FAM117B: variants seen among roughly 807,000 people sequenced by gnomAD.
FAM117B encodes the protein family with sequence similarity 117 member B.
A neutral mutation model predicts 52.8 loss-of-function variants in FAM117B; 22 were observed. The ratio of observed to expected loss-of-function variants is 0.42; its 90% CI spans 0.30 to 0.59. The LOEUF is 0.59. Among genes scored for constraint, FAM117B ranks in the 20% least tolerant of loss-of-function variants. FAM117B has a pLI of 0.22. For missense variants in FAM117B, 678 were observed against 802.6 expected (o/e 0.84, Z 1.88); for synonymous variants, 309 against 324.1 (o/e 0.95, Z 0.50).
intron 1 of FAM117B, among the ~76,000 whole-genome samples, chr2:202,686,373 G>A (rs1293545092): frequency 1.3e-5 from 2 of 152,202 alleles, no homozygotes; most frequent in East Asian, 3.8e-4. Flanking sequence ...TATAAAGGGA[G>A]ACTTACACTT....
chr2:202,732,597 T>A (rs1161491403), intron 4 of FAM117B, among the ~76,000 whole-genome samples: 2 of 152,062 alleles, frequency 1.3e-5, no homozygotes, highest in Non-Finnish European at 2.9e-5. Flanking sequence ...GTTGGGTGGA[T>A]CACTTGAGGT....
chr2:202,723,916 T>A (rs1195326084), intron 2 of FAM117B, among the ~76,000 whole-genome samples: 1 of 152,186 alleles, frequency 6.6e-6, no homozygotes, highest in Non-Finnish European at 1.5e-5. Flanking sequence ...TGCTCAATCT[T>A]GTTGAAGCTT....
intron 1 of FAM117B, among the ~76,000 whole-genome samples, chr2:202,686,700 G>T (rs540395833): frequency 6.6e-6 from 1 of 151,902 alleles, no homozygotes; most frequent in Admixed American, 6.6e-5. Flanking sequence ...CGAGCTGCTC[G>T]TGAAGCTGAG....
rs756202725 is a variant in FAM117B, at chr2:202,635,730, G to C, written c.543G>C (p.Pro181=). 1 of 1,454,966 alleles carries C rather than the reference G, an allele frequency of 6.9e-7. No individual in the cohort carries two copies. The highest frequency in any genetic ancestry group is 1.3e-5 in the South Asian group (1 of 76,614). 90.1% of individuals were successfully genotyped at this position (1,454,966 alleles called of 1,614,324 possible). ...GCGTCCGGCATCGGAGGAGGTCTCCGGAGCAGAGCCGAAGCTCGCCGGAGA... is the reference window on the plus strand; with the variant it reads ...GCGTCCGGCATCGGAGGAGGTCTCCCGAGCAGAGCCGAAGCTCGCCGGAGA... ...PARVRHRRRS[P]EQSRSSPEKR... Residue 181 remains proline (P), a synonymous_variant, in exon 1 of 8, where the codon CCG becomes CCC. Coordinates refer to ENST00000392238, the MANE Select transcript of FAM117B (RefSeq NM_173511.4).
At chr2:202,680,493 T>G (rs2105769950) in intron 1 of FAM117B, among the ~76,000 whole-genome samples, 1 of 152,104 alleles carries the variant, frequency 6.6e-6, no homozygotes, top group East Asian at 1.9e-4. Context: ...CAGCTCCAAG[T>G]TCAATTAATC....
At chr2:202,665,897 G>A (rs1690198293) in intron 1 of FAM117B, among the ~76,000 whole-genome samples, 1 of 152,180 alleles carries the variant, frequency 6.6e-6, no homozygotes, top group South Asian at 2.1e-4. Context: ...CATGGAAACT[G>A]GCAGGACAGG....
chr2:202,744,450 C>T (rs1169828900), intron 4 of FAM117B, among the ~76,000 whole-genome samples: 1 of 152,168 alleles, frequency 6.6e-6, no homozygotes, highest in Admixed American at 6.5e-5. Flanking sequence ...AAATCTGCCT[C>T]CATGTCCCAA....
chr2:202,725,138 TAACAAA>T (rs1691220533), intron 3 of FAM117B, 129 bp downstream of exon 3: 1 of 574,672 alleles, frequency 1.7e-6, no homozygotes, highest in Non-Finnish European at 3.0e-6. Context: ...GCTTCTGAAA[TAACAAA>T]AACAATTATT....
intron 4 of FAM117B, among the ~76,000 whole-genome samples, chr2:202,730,601 C>T (rs1009765447): frequency 2.0e-5 from 3 of 151,922 alleles, no homozygotes; most frequent in South Asian, 2.1e-4. Context: ...ATCTGGGAGG[C>T]GGAGGTTGCA....
chr2:202,714,336 T>C (rs1691003835), intron 2 of FAM117B, among the ~76,000 whole-genome samples: 1 of 152,122 alleles, frequency 6.6e-6, no homozygotes, highest in Admixed American at 6.5e-5. Flanking sequence ...ATTTATAGTA[T>C]AGATTGAGTC....
In FAM117B at chr2:202,651,060, CTT is replaced by C. The variant is rs138809054; in HGVS notation, c.601+15291_601+15292del. On this transcript the variant is annotated intron_variant, in intron 1 of 7. Coordinates refer to ENST00000392238, the MANE Select transcript of FAM117B (RefSeq NM_173511.4). ...GGATGTTCCCTTCTAATTTGCCATT[CTT>C]TTTTTTTTTTTTTTTTTTAAGACGG... Among the ~76,000 whole-genome samples the C allele has an allele frequency of 3.7e-3, 457 of 124,148 alleles. 2 individuals are homozygous for C. The highest frequency in any genetic ancestry group is 7.9e-3 in the African/African-American group (254 of 32,212). The allele number at this position is 124,148 out of a possible 152,430, so 81.4% of individuals were successfully genotyped here. A position where few individuals can be genotyped will look rare whatever the true frequency, so the allele number is the denominator to read the frequency against.
At chr2:202,681,088 A>G (rs765934415) in intron 1 of FAM117B, among the ~76,000 whole-genome samples, 6 of 152,208 alleles carry the variant, frequency 3.9e-5, no homozygotes, top group Admixed American at 1.3e-4. Flanking sequence ...TAAGAGTCTT[A>G]TATGTAAAAT....
chr2:202,751,593 C>G (rs1391704773), intron 4 of FAM117B, among the ~76,000 whole-genome samples: 1 of 151,860 alleles, frequency 6.6e-6, no homozygotes, highest in African/African-American at 2.4e-5. Context: ...CGTTGCGAAA[C>G]CTCATCATCT....
chr2:202,661,158 A>G (rs1690122290), intron 1 of FAM117B, among the ~76,000 whole-genome samples: 1 of 152,160 alleles, frequency 6.6e-6, no homozygotes, highest in African/African-American at 2.4e-5. Context: ...TTGTTCCCAA[A>G]TCTAGCTGCC....
intron 1 of FAM117B, among the ~76,000 whole-genome samples, chr2:202,650,208 T>G (rs1689936679): frequency 6.6e-6 from 1 of 152,198 alleles, no homozygotes; most frequent in South Asian, 2.1e-4. Context: ...GAAAAAGGGT[T>G]TATTTAAAAA....
chr2:202,768,445 T>C lies in FAM117B; in HGVS notation c.*2681T>C, dbSNP rs2105804109. On this transcript the variant is annotated 3_prime_UTR_variant, in exon 8 of 8. Transcript: ENST00000392238. ...GGCAACCAGACAGATCCCTGGGGTT[T>C]GGGAGAAATAGAGCTTGAGATTTGA... is the stretch of plus-strand genomic sequence containing the variant. 6.5e-6 allele frequency: 1 copy of C among 152,746 alleles called. No individual in the cohort carries two copies. The highest frequency in any genetic ancestry group is 3.4e-3 in the Middle Eastern group (1 of 294). The allele number at this position is 152,746 out of a possible 1,614,324, so 9.5% of individuals were successfully genotyped here.
At chr2:202,706,002 A>G (rs1265387755) in intron 2 of FAM117B, among the ~76,000 whole-genome samples, 1 of 151,688 alleles carries the variant, frequency 6.6e-6, no homozygotes, top group East Asian at 1.9e-4. Context: ...TTTCTTTCCT[A>G]TTTCCTTCTT....
intron 7 of FAM117B, among the ~76,000 whole-genome samples, chr2:202,761,182 C>T (rs566762918): frequency 6.6e-6 from 1 of 152,362 alleles, no homozygotes; most frequent in South Asian, 2.1e-4. Flanking sequence ...TAGGCATGAG[C>T]CACTGCATCC....
At chr2:202,733,527 A>G (rs919009978) in intron 4 of FAM117B, among the ~76,000 whole-genome samples, 10 of 152,140 alleles carry the variant, frequency 6.6e-5, no homozygotes, top group African/African-American at 2.4e-4. Context: ...CCAGGAATGT[A>G]TTCCTTCCCC....
Sources: allele counts gnomAD v4.1 joint callset (sites outside exome capture counted in the v4.1 genomes callset), GRCh38; gene constraint gnomAD v4.1.1; transcripts MANE v1.5; gene names NCBI Gene and HGNC (gene_info 2026-07-23, HGNC 2026-07-21).